The following RICTOR variants were observed in gnomAD, a reference collection of about 807,000 sequenced individuals.
RICTOR encodes RPTOR independent companion of MTOR complex 2.
In RICTOR, 49 loss-of-function variants were observed where a neutral mutation model predicts 214.9. The ratio of observed to expected loss-of-function variants is 0.23; its 90% CI spans 0.18 to 0.29. RICTOR has a LOEUF of 0.29. Ranked by LOEUF, RICTOR falls within the 10% of genes least tolerant of loss-of-function variation. The probability of loss-of-function intolerance (pLI) is 1.00; values close to 1 mark genes in which losing one functional copy is unlikely to be tolerated. For missense variants in RICTOR, 1,625 were observed against 2,047.0 expected, an observed-to-expected ratio of 0.79 and a Z score of 3.98; for synonymous variants, 717 against 711.3, an observed-to-expected ratio of 1.01 and a Z score of -0.13.
At chr5:38,978,068 A>T (rs1421782999) in intron 9 of RICTOR, among the ~76,000 whole-genome samples, 4 of 152,248 alleles carry the variant, frequency 2.6e-5, no homozygotes, top group Admixed American at 6.5e-5. Context: ...TTGATCCCTA[A>T]ATTATGTTAA....
chr5:39,069,084 A>G (rs1759113622), intron 2 of RICTOR, among the ~76,000 whole-genome samples: 1 of 152,226 alleles, frequency 6.6e-6, no homozygotes, highest in Non-Finnish European at 1.5e-5. Flanking sequence ...AACTAGTATT[A>G]TAGTAATAGT....
At chr5:39,058,430 C>T (rs1033340013) in intron 2 of RICTOR, among the ~76,000 whole-genome samples, 4 of 151,970 alleles carry the variant, frequency 2.6e-5, no homozygotes, top group African/African-American at 9.7e-5. Flanking sequence ...ATGTTAGATA[C>T]TATCAGTCTA....
chr5:39,068,757 A>C (rs930304195), intron 2 of RICTOR, among the ~76,000 whole-genome samples: 1 of 152,226 alleles, frequency 6.6e-6, no homozygotes, highest in African/African-American at 2.4e-5. Context: ...TCAGAAGCTA[A>C]TCAGAGGAGT....
chr5:39,018,914 A>C (rs552264453), intron 3 of RICTOR, among the ~76,000 whole-genome samples: 2 of 152,320 alleles, frequency 1.3e-5, no homozygotes, highest in Non-Finnish European at 2.9e-5. Context: ...ATGCAAAGGA[A>C]AAGTTCTTGA....
chr5:38,990,780 TGA>T (rs777447077), intron 7 of RICTOR, among the ~76,000 whole-genome samples, 167 bp downstream of exon 7: 2,034 of 89,802 alleles, frequency 0.023, 541 homozygotes, highest in Middle Eastern at 0.079. Context: ...ATGATATATA[TGA>T]GATATATGAG....
chr5:38,981,823 TATA>T, intron 8 of RICTOR, 41 bp downstream of exon 8: 2 of 1,337,078 alleles, frequency 1.5e-6, no homozygotes, highest in East Asian at 2.5e-5. Flanking sequence ...AGTATACATT[TATA>T]ATAATATTTT....
At chr5:38,958,567 A>C in intron 23 of RICTOR, 48 bp from the exon 24 acceptor site, 1 of 1,549,194 alleles carries the variant, frequency 6.5e-7, no homozygotes, top group Non-Finnish European at 8.9e-7. Flanking sequence ...AAAATAGCAA[A>C]ATTTTTAGTT....
chr5:38,971,137 A>T (rs1228044550), intron 11 of RICTOR: 1 of 152,142 alleles, frequency 6.6e-6, no homozygotes. Context: ...CATCCTGAGT[A>T]CTTGGGATTA....
chr5:39,034,797 G>A (rs903024572), intron 2 of RICTOR, among the ~76,000 whole-genome samples: 1 of 152,212 alleles, frequency 6.6e-6, no homozygotes, highest in Non-Finnish European at 1.5e-5. Context: ...GAGGCTTGAG[G>A]AGGTAAACAA....
At chr5:38,972,907 T>C (rs534606021) in intron 10 of RICTOR, among the ~76,000 whole-genome samples, 5 of 149,902 alleles carry the variant, frequency 3.3e-5, no homozygotes, top group Admixed American at 2.7e-4. Context: ...ACTGAAATGT[T>C]CATTGCATGA....
chr5:38,973,218 A>G (rs1315725767), intron 10 of RICTOR, among the ~76,000 whole-genome samples: 1 of 152,194 alleles, frequency 6.6e-6, no homozygotes, highest in African/African-American at 2.4e-5. Context: ...AAAACGCATC[A>G]AACAGTAGAC....
Position 38,962,582 on chromosome 5 carries a change from G to A in RICTOR, c.1571C>T (p.Thr524Ile). 1 of 1,500,968 alleles carries A rather than the reference G, an allele frequency of 6.7e-7. No individual in the cohort carries two copies. Among genetic ancestry groups the A allele is most frequent in the Non-Finnish European group, 9.1e-7 (1 of 1,097,658 alleles). 93.0% of individuals were successfully genotyped at this position (1,500,968 alleles called of 1,614,324 possible). A position where few individuals can be genotyped will look rare whatever the true frequency, so the allele number is the denominator to read the frequency against. ...AAGGTTAATTAAAAGAGCTTCCTCT[G>A]TATCCTAAAATCATCAGAAAGTAAT... ...VQKDIFILKD[T>I]EEALLINLRD... The change falls in exon 18 of 38, where the codon ACA becomes ATA. Residue 524 changes from threonine to isoleucine, a missense_variant. Physicochemically the swap from Thr to Ile is moderately conservative, Grantham distance 89. Around this residue, in one of 5 missense-constraint regions of RICTOR, gnomAD observed 1,214 missense variants for 1,470.5 expected, o/e 0.83. Coordinates refer to ENST00000357387, the MANE Select transcript of RICTOR (RefSeq NM_152756.5).
rs945301712 is a variant in RICTOR, at chr5:38,952,316, C to A, written c.3007G>T (p.Val1003Leu). Residue 1003 changes from valine (V) to leucine (L), a missense_variant, in exon 30 of 38, where the codon GTG becomes TTG. Transcript: ENST00000357387. Reference sequence around the variant, plus strand: ...AGTTGTTCCACATCATCTGGAACCACTGGCCACAGATGTTTGCGACTATGC... The same window carrying A: ...AGTTGTTCCACATCATCTGGAACCAATGGCCACAGATGTTTGCGACTATGC... ...VRHSRKHLWP[V>L]VPDDVEQLCN... 17 of 1,612,388 alleles carry A rather than the reference C, an allele frequency of 1.1e-5. No homozygotes were observed. Among genetic ancestry groups the A allele is most frequent in the Non-Finnish European group, 1.4e-5 (16 of 1,178,810 alleles).
intron 3 of RICTOR, among the ~76,000 whole-genome samples, chr5:39,006,801 A>ACATT (rs1754110006): frequency 1.4e-5 from 2 of 143,342 alleles, no homozygotes; most frequent in South Asian, 4.7e-4. Context: ...GGGGTCCCAA[A>ACATT]CAGAATAGGG....
intron 6 of RICTOR, among the ~76,000 whole-genome samples, chr5:38,992,894 T>C (rs757218622): frequency 8.5e-5 from 13 of 152,130 alleles, no homozygotes; most frequent in Non-Finnish European, 1.8e-4. Flanking sequence ...GATTAGGTAA[T>C]AAATTTGTGG....
At chr5:38,957,806 T>A in intron 24 of RICTOR, 76 bp from the exon 25 acceptor site, 1 of 789,424 alleles carries the variant, frequency 1.3e-6, no homozygotes, top group South Asian at 1.7e-5. Context: ...ATAACTAAAA[T>A]TTAAAAAAGT....
At chr5:39,073,480 G>T (rs754181786) in intron 2 of RICTOR, among the ~76,000 whole-genome samples, 1 of 152,158 alleles carries the variant, frequency 6.6e-6, no homozygotes, top group African/African-American at 2.4e-5. Flanking sequence ...TGAGGGGGCG[G>T]TCTTTAGCCA....
rs780083937 is a variant in RICTOR, at chr5:39,002,610, G to A, written c.317C>T (p.Ala106Val). The A allele has an allele frequency of 4.3e-6, 7 of 1,610,594 alleles. No homozygotes were observed. The highest frequency in any genetic ancestry group is 1.1e-5 in the South Asian group (1 of 90,564). The part of the protein sequence containing the change: ...AKEVRAAGLR[A>V]LRYLIQDSSI... ...GGAGTCTTGGATGAGATATCGAAGCGCTCGTAGCCCTGCTGCTCGCACTTC... is the reference window on the plus strand; with the variant it reads ...GGAGTCTTGGATGAGATATCGAAGCACTCGTAGCCCTGCTGCTCGCACTTC... Residue 106 changes from alanine (A) to valine (V), a missense_variant, in exon 5 of 38, where the codon GCG becomes GTG. Physicochemically the swap from Ala to Val is moderately conservative, Grantham distance 64 (BLOSUM62 0). Around this residue, in one of 5 missense-constraint regions of RICTOR, gnomAD observed 258 missense variants for 393.7 expected, o/e 0.66. Coordinates refer to ENST00000357387, the MANE Select transcript of RICTOR (RefSeq NM_152756.5).
At chr5:38,991,643 T>C (rs1306245121) in intron 6 of RICTOR, among the ~76,000 whole-genome samples, 1 of 152,154 alleles carries the variant, frequency 6.6e-6, no homozygotes, top group East Asian at 1.9e-4. Context: ...CTTGTTGCTA[T>C]ACCAGAAAGC....
Sources: allele counts gnomAD v4.1 joint callset (sites outside exome capture counted in the v4.1 genomes callset), GRCh38; gene constraint gnomAD v4.1.1; regional missense constraint gnomAD v4.1.1; transcripts MANE v1.5; gene names NCBI Gene and HGNC (gene_info 2026-07-23, HGNC 2026-07-21).